Variants in RALGPS2 observed in about 807,000 individuals in gnomAD.
RALGPS2 encodes the protein Ral GEF with PH domain and SH3 binding motif 2.
A neutral mutation model predicts 86.8 loss-of-function variants in RALGPS2; 43 were observed. The ratio of observed to expected loss-of-function variants is 0.50; its 90% CI spans 0.39 to 0.64. RALGPS2 has a LOEUF of 0.64. Ranked by LOEUF, RALGPS2 falls within the 30% of genes least tolerant of loss-of-function variation. RALGPS2 has a pLI of 0.00. For synonymous variants in RALGPS2, 243 were observed against 231.3 expected (o/e 1.05, Z -0.46); for missense variants, 536 against 694.6 (o/e 0.77, Z 2.57).
intron 6 of RALGPS2, among the ~76,000 whole-genome samples, chr1:178,819,441 C>T (rs538093196): frequency 9.2e-5 from 14 of 152,266 alleles, no homozygotes; most frequent in African/African-American, 2.9e-4. Context: ...CCTGCCCTTA[C>T]GCTCAGGCAA....
At position 178,761,346 on chromosome 1, in the gene RALGPS2, G is replaced by T. The variant is rs1012047806; in HGVS notation, c.-83-15336G>T. On this transcript the variant is annotated intron_variant, in intron 1 of 19. Transcript: ENST00000367635. ...CGGGAGGCTGAGGCAGGAGAATGGCGTGAACCCAGGAGGCAGAGCTTGCAG... is the reference window on the plus strand; with the variant it reads ...CGGGAGGCTGAGGCAGGAGAATGGCTTGAACCCAGGAGGCAGAGCTTGCAG... 2.0e-5 allele frequency among the ~76,000 whole-genome samples: 3 copies of T among 151,180 alleles called. No individual in the cohort carries two copies. In the South Asian group the frequency reaches 6.3e-4, roughly 32 times the overall value.
In RALGPS2 at chr1:178,758,498, A is replaced by C. The variant is rs576059692; in HGVS notation, c.-83-18184A>C. Among the ~76,000 whole-genome samples, 5 of 152,086 alleles carry C rather than the reference A, an allele frequency of 3.3e-5. No homozygotes were observed. The South Asian group carries it at 6.2e-4, about 19-fold the overall frequency. On this transcript the variant is annotated intron_variant, in intron 1 of 19. Coordinates refer to ENST00000367635, the MANE Select transcript of RALGPS2 (RefSeq NM_152663.5). ...TCAAATACTAGGTCTTATTCTTTCT[A>C]ACTGCTTTTTATACCCATTATCTGT...
In RALGPS2 at chr1:178,785,639, A is replaced by G. The variant is rs536119495; in HGVS notation, c.213+32A>G. The G allele has an allele frequency of 7.3e-5, 112 of 1,540,840 alleles. No homozygotes were observed. The East Asian group carries it at 2.6e-3, about 36-fold the overall frequency. ...AGTTTTGAGAATGTTCCTTTTAAAT[A>G]TAGAAAACGATCAATCTCAAATTAA... On this transcript the variant is annotated intron_variant, in intron 4 of 19. Coordinates refer to ENST00000367635, the MANE Select transcript of RALGPS2 (RefSeq NM_152663.5).
At chr1:178,829,677 A>G (rs1037496050) in intron 7 of RALGPS2, among the ~76,000 whole-genome samples, 1 of 152,208 alleles carries the variant, frequency 6.6e-6, no homozygotes, top group Non-Finnish European at 1.5e-5. Context: ...ACTATAGTTA[A>G]TAAGACTATG....
At chr1:178,854,728 G>C (rs1657414350) in intron 8 of RALGPS2, among the ~76,000 whole-genome samples, 1 of 152,126 alleles carries the variant, frequency 6.6e-6, no homozygotes, top group African/African-American at 2.4e-5. Context: ...TAATCCCAGA[G>C]TCCCTGCTCT....
At chr1:178,859,833 C>A (rs77903302) in intron 8 of RALGPS2, among the ~76,000 whole-genome samples, 1 of 103,884 alleles carries the variant, frequency 9.6e-6, no homozygotes, top group African/African-American at 3.5e-5. Flanking sequence ...CCCCCCCCCC[C>A]AACCGCCCAA....
intron 4 of RALGPS2, among the ~76,000 whole-genome samples, chr1:178,788,841 C>CTTTTCTTTTCTTTTCTTTTCTTTTCT (rs1553263494): frequency 5.3e-5 from 7 of 132,440 alleles, no homozygotes; most frequent in Admixed American, 1.6e-4. Flanking sequence ...TTCTTTCTTT[C>CTTTTCTTTTCTTTTCTTTTCTTTTCT]TTTCTTTTCT....
intron 8 of RALGPS2, among the ~76,000 whole-genome samples, chr1:178,835,392 C>CTTT (rs71297889): frequency 5.7e-5 from 7 of 122,028 alleles, no homozygotes; most frequent in African/African-American, 9.1e-5. Flanking sequence ...TCTTTCTTTT[C>CTTT]TTTTTTTTTT....
intron 19 of RALGPS2, among the ~76,000 whole-genome samples, chr1:178,913,750 G>A (rs558339948): frequency 1.3e-5 from 2 of 152,158 alleles, no homozygotes; most frequent in Non-Finnish European, 2.9e-5. Flanking sequence ...GAGAACCAAG[G>A]TTCAGCTTGG....
chr1:178,806,326 T>A (rs1193849616), intron 4 of RALGPS2, among the ~76,000 whole-genome samples: 2 of 152,182 alleles, frequency 1.3e-5, no homozygotes, highest in African/African-American at 4.8e-5. Flanking sequence ...ATTGAAGGCA[T>A]TGCTTCAGTT....
chr1:178,769,811 A>G (rs1652695624), intron 1 of RALGPS2, among the ~76,000 whole-genome samples: 1 of 152,124 alleles, frequency 6.6e-6, no homozygotes, highest in Non-Finnish European at 1.5e-5. Flanking sequence ...AGGGATTAGG[A>G]GCAACAATGT....
At chr1:178,768,012 G>C (rs1323341781) in intron 1 of RALGPS2, among the ~76,000 whole-genome samples, 1 of 152,112 alleles carries the variant, frequency 6.6e-6, no homozygotes, top group East Asian at 1.9e-4. Context: ...TAAAGTGCTG[G>C]GATTATAGAT....
chr1:178,889,791 C>A, intron 14 of RALGPS2, 95 bp downstream of exon 14: 4 of 831,322 alleles, frequency 4.8e-6, no homozygotes, highest in South Asian at 3.5e-5. Context: ...TACTACATAT[C>A]CCTAAGCGAT....
chr1:178,805,958 T>C (rs541368107), intron 4 of RALGPS2, among the ~76,000 whole-genome samples: 461 of 152,244 alleles, frequency 3.0e-3, no homozygotes, highest in Non-Finnish European at 4.3e-3. Context: ...TTTTTTTCAC[T>C]TTCAGAAACA....
At chr1:178,763,508 CCTCT>C (rs1405908302) in intron 1 of RALGPS2, among the ~76,000 whole-genome samples, 3 of 152,238 alleles carry the variant, frequency 2.0e-5, no homozygotes, top group Admixed American at 6.5e-5. Flanking sequence ...TTGTTTGTGT[CCTCT>C]CTGTTTCTTT....
intron 15 of RALGPS2, 101 bp downstream of exon 15, chr1:178,892,408 A>G: frequency 4.3e-6 from 4 of 940,190 alleles, no homozygotes; most frequent in Non-Finnish European, 6.4e-6. Flanking sequence ...TTTCTCAACT[A>G]ATTGATTTAA....
chr1:178,831,676 C>T (rs1478515111), intron 7 of RALGPS2, among the ~76,000 whole-genome samples: 1 of 132,428 alleles, frequency 7.6e-6, no homozygotes, highest in East Asian at 2.5e-4. Flanking sequence ...AGTAAAGAGA[C>T]TTTTTAAATA....
At chr1:178,841,370 C>T (rs1445057321) in intron 8 of RALGPS2, among the ~76,000 whole-genome samples, 1 of 144,352 alleles carries the variant, frequency 6.9e-6, no homozygotes, top group Non-Finnish European at 1.5e-5. Context: ...AAATGTAATC[C>T]AGCATATAAA....
chr1:178,742,000 G>A (rs1365134286), intron 1 of RALGPS2, among the ~76,000 whole-genome samples: 1 of 152,014 alleles, frequency 6.6e-6, no homozygotes, highest in African/African-American at 2.4e-5. Context: ...GCCGGGCATG[G>A]TGACGCACGC....
Sources: gnomAD v4.1 joint callset for allele counts (sites outside exome capture counted in the v4.1 genomes callset) on GRCh38, gnomAD v4.1.1 for gene constraint, MANE v1.5 for transcripts, NCBI Gene and HGNC (gene_info 2026-07-23, HGNC 2026-07-21) for gene names.